NAP1L1: variants seen among roughly 807,000 people sequenced by gnomAD.
NAP1L1 encodes nucleosome assembly protein 1 like 1.
Under a neutral mutation model 58.9 loss-of-function variants are expected in NAP1L1, and 9 were observed. The ratio of observed to expected loss-of-function variants is 0.15; its 90% CI spans 0.09 to 0.27. NAP1L1 has a LOEUF of 0.27. NAP1L1 is among the 10% of genes least tolerant of loss of function. NAP1L1 has a pLI of 1.00. For synonymous variants in NAP1L1, 130 were observed against 138.3 expected (o/e 0.94, Z 0.42); for missense variants, 302 against 458.8 (o/e 0.66, Z 3.12).
At chr12:76,064,109 T>G (rs1439411280) in intron 4 of NAP1L1, among the ~76,000 whole-genome samples, 2 of 152,106 alleles carry the variant, frequency 1.3e-5, no homozygotes, top group African/African-American at 4.8e-5. Context: ...TGTGCCACTG[T>G]ACTCCAGAGT....
rs180772382 is a variant in NAP1L1 at position 76,037,801 on chromosome 12, C to G, written c.*10628G>C. On this transcript the variant is annotated 3_prime_UTR_variant, in exon 15 of 15. Coordinates refer to ENST00000618691, the MANE Select transcript of NAP1L1 (RefSeq NM_004537.7). The stretch of plus-strand genomic sequence containing the variant: ...ACTTCAAACTCTGATGAGTAGTTAT[C>G]CAATTTTCACGTCTACTTCACTAAA... The G allele has an allele frequency of 4.9e-4, 75 of 152,268 alleles. No homozygotes were observed. The highest frequency in any genetic ancestry group is 1.7e-3 in the African/African-American group (70 of 41,548). The allele number at this position is 152,268 out of a possible 1,614,324, so 9.4% of individuals were successfully genotyped here.
intron 1 of NAP1L1, among the ~76,000 whole-genome samples, chr12:76,083,473 C>CAAAAA (rs34033928): frequency 5.7e-5 from 5 of 87,222 alleles, no homozygotes; most frequent in African/African-American, 2.3e-4. Context: ...CTTTTTTTTC[C>CAAAAA]AAAAAAAAAA....
In NAP1L1 at chr12:76,037,967, TTGAG is replaced by T. The variant is rs1421453228; in HGVS notation, c.*10458_*10461del. On this transcript the variant is annotated 3_prime_UTR_variant, in exon 15 of 15. Coordinates refer to ENST00000618691, the MANE Select transcript of NAP1L1 (RefSeq NM_004537.7). Reference sequence around the variant, plus strand: ...CAAAATGGGCAAGCAGGCTATCTTATTGAGTATTAACAAGTAACCAGGAAGTCTG... The same window carrying T: ...CAAAATGGGCAAGCAGGCTATCTTATTATTAACAAGTAACCAGGAAGTCTG... 1 of 152,226 alleles carries T rather than the reference TTGAG, an allele frequency of 6.6e-6. No homozygotes were observed. The highest frequency in any genetic ancestry group is 2.1e-4 in the South Asian group (1 of 4,832). 9.4% of individuals were successfully genotyped at this position (152,226 alleles called of 1,614,324 possible). A position where few individuals can be genotyped will look rare whatever the true frequency, so the allele number is the denominator to read the frequency against.
At chr12:76,056,923 A>G in intron 6 of NAP1L1, 1 of 264,894 alleles carries the variant, frequency 3.8e-6, no homozygotes, top group Non-Finnish European at 7.6e-6. Context: ...AGGCAGAAGA[A>G]TTGCTTGAAC....
chr12:76,074,045 A>G (rs1950082030), intron 2 of NAP1L1, 158 bp downstream of exon 2: 1 of 617,330 alleles, frequency 1.6e-6, no homozygotes, highest in African/African-American at 1.9e-5. Flanking sequence ...TATATTCTAT[A>G]TTTTACCTTG....
At chr12:76,070,996 T>C (rs1029788230) in intron 2 of NAP1L1, among the ~76,000 whole-genome samples, 4 of 152,162 alleles carry the variant, frequency 2.6e-5, no homozygotes, top group Non-Finnish European at 5.9e-5. Context: ...ACAGTAAGAA[T>C]TCTCTATTAA....
At chr12:76,075,237 G>T (rs1950128951) in intron 1 of NAP1L1, among the ~76,000 whole-genome samples, 1 of 152,112 alleles carries the variant, frequency 6.6e-6, no homozygotes, top group Admixed American at 6.5e-5. Context: ...AATCCCAGCT[G>T]CCCAAGAGAC....
intron 6 of NAP1L1, chr12:76,057,617 A>T: frequency 8.1e-7 from 1 of 1,235,058 alleles, no homozygotes; most frequent in Non-Finnish European, 1.2e-6. Context: ...GATGCTGATT[A>T]CCTACTTTGA....
rs1249717137 is a variant in NAP1L1 at position 76,047,048 on chromosome 12, G to A, written c.*1381C>T. 1.3e-5 allele frequency: 2 copies of A among 152,454 alleles called. No individual in the cohort carries two copies. Among genetic ancestry groups the A allele is most frequent in the Non-Finnish European group, 2.9e-5 (2 of 67,934 alleles). 9.4% of individuals were successfully genotyped at this position (152,454 alleles called of 1,614,324 possible). A position where few individuals can be genotyped will look rare whatever the true frequency, so the allele number is the denominator to read the frequency against. ...ATCTAAAAAGAGTGCTGACTGCCCAGATCCAGAACAGAGGTACTTAACACC... is the reference window on the plus strand; with the variant it reads ...ATCTAAAAAGAGTGCTGACTGCCCAAATCCAGAACAGAGGTACTTAACACC... On this transcript the variant is annotated 3_prime_UTR_variant, in exon 15 of 15. Coordinates refer to ENST00000618691, the MANE Select transcript of NAP1L1 (RefSeq NM_004537.7).
rs1948524241 is a variant in NAP1L1 at position 76,038,680 on chromosome 12, C to T, written c.*9749G>A. 6.6e-6 allele frequency: 1 copy of T among 152,124 alleles called. No individual in the cohort carries two copies. Among genetic ancestry groups the T allele is most frequent in the Non-Finnish European group, 1.5e-5 (1 of 68,032 alleles). 9.4% of individuals were successfully genotyped at this position (152,124 alleles called of 1,614,324 possible). A position where few individuals can be genotyped will look rare whatever the true frequency, so the allele number is the denominator to read the frequency against. On this transcript the variant is annotated 3_prime_UTR_variant, in exon 15 of 15. Transcript: ENST00000618691. ...AAAAGAATTCTGTGGGGTAGCCAGACTCAGAAAGGTGGAATAACACTTTTA... is the reference window on the plus strand; with the variant it reads ...AAAAGAATTCTGTGGGGTAGCCAGATTCAGAAAGGTGGAATAACACTTTTA...
chr12:76,083,680 C>A (rs1385572130), intron 1 of NAP1L1, among the ~76,000 whole-genome samples: 6 of 152,246 alleles, frequency 3.9e-5, no homozygotes, highest in Admixed American at 1.3e-4. Flanking sequence ...TTAATATAAG[C>A]GCTATATACG....
intron 1 of NAP1L1, among the ~76,000 whole-genome samples, chr12:76,079,087 C>T (rs1228973721): frequency 1.3e-5 from 2 of 152,070 alleles, no homozygotes; most frequent in Middle Eastern, 3.4e-3. Flanking sequence ...AAAGCACACA[C>T]AAAAAAGGTA....
intron 4 of NAP1L1, among the ~76,000 whole-genome samples, chr12:76,067,144 A>C (rs1156855161): frequency 2.0e-5 from 3 of 152,136 alleles, no homozygotes; most frequent in Non-Finnish European, 4.4e-5. Context: ...GAAATGCTCA[A>C]GATCAGTACA....
chr12:76,064,167 AATAT>A (rs1206247977), intron 4 of NAP1L1, among the ~76,000 whole-genome samples: 2 of 152,212 alleles, frequency 1.3e-5, no homozygotes, highest in East Asian at 3.9e-4. Flanking sequence ...TTATTATTGT[AATAT>A]CAGACAAATA....
Position 76,037,861 on chromosome 12 carries a change from T to C in NAP1L1, c.*10568A>G, listed in dbSNP as rs1361464722. The C allele has an allele frequency of 2.0e-5, 3 of 152,210 alleles. No individual in the cohort carries two copies. The highest frequency in any genetic ancestry group is 4.8e-5 in the African/African-American group (2 of 41,454). 9.4% of individuals were successfully genotyped at this position (152,210 alleles called of 1,614,324 possible). On this transcript the variant is annotated 3_prime_UTR_variant, in exon 15 of 15. Transcript: ENST00000618691. ...TCCTGGATGAGTGTTTTCGCCATTG[T>C]ACCTAACGGAGAGCTGATTGACAGC...
Position 76,055,039 on chromosome 12 carries a change from A to G in NAP1L1, c.610T>C (p.Ser204Pro). 2 of 1,607,130 alleles carry G rather than the reference A, an allele frequency of 1.2e-6. No individual in the cohort carries two copies. The highest frequency in any genetic ancestry group is 1.7e-6 in the Non-Finnish European group (2 of 1,177,596). ...TTTACCATAGGCTGGCCAGCATCTGAGAACTTCACTTTAATATCTTTCAAG... is the reference window on the plus strand; with the variant it reads ...TTTACCATAGGCTGGCCAGCATCTGGGAACTTCACTTTAATATCTTTCAAG... ...KHLKDIKVKF[S>P]DAGQPMSFVL... Residue 204 changes from serine (S) to proline (P), a missense_variant, in exon 8 of 15, where the codon TCA becomes CCA. Ser to Pro is a moderately conservative substitution (Grantham distance 74). Transcript: ENST00000618691.
At chr12:76,052,514 T>C (rs1312846635) in intron 11 of NAP1L1, among the ~76,000 whole-genome samples, 1 of 152,226 alleles carries the variant, frequency 6.6e-6, no homozygotes, top group African/African-American at 2.4e-5. Context: ...TAATTCCATA[T>C]ATGTACAAAC....
chr12:76,056,474 T>C (rs1412278589), intron 6 of NAP1L1: 1 of 357,288 alleles, frequency 2.8e-6, no homozygotes, highest in Non-Finnish European at 5.4e-6. Context: ...AAATACTAAT[T>C]TGGTCCATTG....
chr12:76,067,266 A>G (rs11614925), intron 4 of NAP1L1, 105 bp downstream of exon 4: 149,364 of 828,100 alleles, frequency 0.18, 15,025 homozygotes, highest in Middle Eastern at 0.33. Context: ...CTAACAGACA[A>G]TAGGTTTCCA....
Sources: gnomAD v4.1 joint callset for allele counts (sites outside exome capture counted in the v4.1 genomes callset) on GRCh38, gnomAD v4.1.1 for gene constraint, MANE v1.5 for transcripts, NCBI Gene and HGNC (gene_info 2026-07-23, HGNC 2026-07-21) for gene names.